GHR: variants seen among roughly 807,000 people sequenced by gnomAD.
GHR encodes growth hormone receptor, also known as GH receptor.
Under a neutral mutation model 67.1 loss-of-function variants are expected in GHR, and 35 were observed. That is an observed-to-expected ratio of 0.52 (90% CI 0.40 to 0.69). The LOEUF (loss-of-function observed/expected upper bound fraction) is 0.69, where lower values mean the gene tolerates loss of function less well. GHR is among the 30% of genes least tolerant of loss of function. GHR has a pLI of 0.00. For missense variants in GHR, 792 were observed against 764.6 expected (o/e 1.04, Z -0.42); for synonymous variants, 272 against 269.1 (o/e 1.01, Z -0.10).
At chr5:42,495,617 A>C (rs1439363418) in intron 1 of GHR, among the ~76,000 whole-genome samples, 3 of 152,048 alleles carry the variant, frequency 2.0e-5, no homozygotes, top group Non-Finnish European at 2.9e-5. Context: ...CTGGTGTCAG[A>C]ATTAGGCCAA....
intron 1 of GHR, among the ~76,000 whole-genome samples, chr5:42,474,317 G>GAAAGAAAGAAAGAAAGA (rs1554054616): frequency 7.2e-6 from 1 of 138,852 alleles, no homozygotes; most frequent in Non-Finnish European, 1.6e-5. Flanking sequence ...AAGAAAGAAA[G>GAAAGAAAGAAAGAAAGA]AAAGAAAGAA....
At position 42,576,143 on chromosome 5, in the gene GHR, T is replaced by TAAAATAAAATAAAATAAA. The variant is rs1359047675; in HGVS notation, c.70+10200_70+10201insAAATAAAATAAAATAAAA. Among the ~76,000 whole-genome samples, 10 of 83,508 alleles carry TAAAATAAAATAAAATAAA rather than the reference T, an allele frequency of 1.2e-4. 1 individual carries two copies. Among genetic ancestry groups the TAAAATAAAATAAAATAAA allele is most frequent in the African/African-American group, 4.5e-4 (9 of 20,140 alleles). The allele number at this position is 83,508 out of a possible 152,430, so 54.8% of individuals were successfully genotyped here. On this transcript the variant is annotated intron_variant, in intron 2 of 9. Transcript: ENST00000230882. ...TAAAATAAAATAAAATAAAATAAAA[T>TAAAATAAAATAAAATAAA]AGTAAAGTAAAATAAAATAAAGGCA...
chr5:42,479,805 T>C (rs1745532540), intron 1 of GHR, among the ~76,000 whole-genome samples: 1 of 152,240 alleles, frequency 6.6e-6, no homozygotes, highest in Non-Finnish European at 1.5e-5. Flanking sequence ...GCTAGCATTC[T>C]ATCAATTTTG....
intron 3 of GHR, among the ~76,000 whole-genome samples, chr5:42,672,032 C>G (rs894345127): frequency 1.3e-5 from 2 of 151,148 alleles, no homozygotes; most frequent in Non-Finnish European, 2.9e-5. Context: ...GACAAACCCA[C>G]AACAACATAA....
rs1310125015 is a variant in GHR at position 42,718,650 on chromosome 5, T to G, written c.1143T>G (p.Asp381Glu). The G allele has an allele frequency of 3.1e-6, 5 of 1,614,052 alleles. No homozygotes were observed. In the African/African-American group the frequency reaches 6.7e-5, roughly 22 times the overall value. The change falls in exon 10 of 10, where the codon GAT becomes GAG. Residue 381 changes from aspartate (D) to glutamate (E), a missense_variant. Transcript: ENST00000230882. ...CACATAGTAACCTAGGGGTGAAGGA[T>G]GGCGACTCTGGACGTACCAGCTGTT... ...EKSHSNLGVK[D>E]GDSGRTSCCE...
intron 1 of GHR, among the ~76,000 whole-genome samples, chr5:42,426,183 G>A (rs1395413627): frequency 6.6e-6 from 1 of 152,170 alleles, no homozygotes; most frequent in Admixed American, 6.5e-5. Flanking sequence ...GTTAGCTCAG[G>A]ACATAATGTT....
At chr5:42,472,778 G>C (rs1745068543) in intron 1 of GHR, among the ~76,000 whole-genome samples, 1 of 152,104 alleles carries the variant, frequency 6.6e-6, no homozygotes, top group African/African-American at 2.4e-5. Flanking sequence ...TGTTTAGGTG[G>C]GGCCAGATGA....
At chr5:42,430,210 G>T (rs916284226) in intron 1 of GHR, among the ~76,000 whole-genome samples, 4 of 152,198 alleles carry the variant, frequency 2.6e-5, no homozygotes, top group Non-Finnish European at 2.9e-5. Context: ...GGCTTATCCA[G>T]AGGAGAGGCC....
intron 1 of GHR, among the ~76,000 whole-genome samples, chr5:42,507,741 T>C (rs1746838151): frequency 6.6e-6 from 1 of 152,196 alleles, no homozygotes; most frequent in South Asian, 2.1e-4. Context: ...ACTCTAGTCC[T>C]GAGAGGGCCG....
intron 1 of GHR, among the ~76,000 whole-genome samples, chr5:42,490,390 T>G (rs1746066588): frequency 6.6e-6 from 1 of 152,198 alleles, no homozygotes; most frequent in Admixed American, 6.5e-5. Flanking sequence ...TGCTGTACAA[T>G]CGAATCCACC....
At chr5:42,448,650 T>G (rs1361468977) in intron 1 of GHR, among the ~76,000 whole-genome samples, 2 of 151,172 alleles carry the variant, frequency 1.3e-5, no homozygotes. Context: ...AGGTCCAATT[T>G]GTTTATTTTT....
Position 42,604,856 on chromosome 5 carries a change from C to G in GHR, c.71-24182C>G, listed in dbSNP as rs543099012. ...ATAAACTCAGTGAGCATCTTTATGG[C>G]TGTTATTTTTAATTCTCTGTGAAAT... On this transcript the variant is annotated intron_variant, in intron 2 of 9. Transcript: ENST00000230882. Among the ~76,000 whole-genome samples the G allele has an allele frequency of 1.0e-3, 153 of 151,932 alleles. 1 individual carries two copies. The highest frequency in any genetic ancestry group is 3.9e-3 in the Admixed American group (60 of 15,274).
chr5:42,675,395 G>A (rs567013260), intron 3 of GHR, among the ~76,000 whole-genome samples: 1 of 152,242 alleles, frequency 6.6e-6, no homozygotes, highest in Non-Finnish European at 1.5e-5. Flanking sequence ...CTCATTACGA[G>A]TCAGTATGCT....
rs1241159465 is a variant in GHR, at chr5:42,432,874, T to C, written c.-12+8919T>C. ...AGCCATGCTTTTCTTTGCCATAGAA[T>C]AGGTGTTCAGTAAATATTTTGCAGG... On this transcript the variant is annotated intron_variant, in intron 1 of 9. Coordinates refer to ENST00000230882, the MANE Select transcript of GHR (RefSeq NM_000163.5). Among the ~76,000 whole-genome samples the C allele has an allele frequency of 3.9e-5, 6 of 152,208 alleles. 1 individual carries two copies. Among genetic ancestry groups the C allele is most frequent in the Admixed American group, 3.3e-4 (5 of 15,276 alleles).
chr5:42,688,022 G>C (rs559852709), intron 3 of GHR, among the ~76,000 whole-genome samples: 1 of 152,148 alleles, frequency 6.6e-6, no homozygotes, highest in Non-Finnish European at 1.5e-5. Context: ...GAGGCATTCT[G>C]CACTTACTTC....
At chr5:42,535,020 A>G (rs1018937813) in intron 1 of GHR, among the ~76,000 whole-genome samples, 1 of 150,958 alleles carries the variant, frequency 6.6e-6, no homozygotes, top group African/African-American at 2.4e-5. Context: ...TTATTTTCTT[A>G]TTGATTTGTT....
At chr5:42,476,690 C>A (rs1260591347) in intron 1 of GHR, among the ~76,000 whole-genome samples, 2 of 152,090 alleles carry the variant, frequency 1.3e-5, no homozygotes. Flanking sequence ...TCCTTTCTGA[C>A]ACAGAAATAC....
At chr5:42,639,318 T>C (rs574618943) in intron 3 of GHR, among the ~76,000 whole-genome samples, 1 of 152,280 alleles carries the variant, frequency 6.6e-6, no homozygotes, top group East Asian at 1.9e-4. Context: ...CTTTAGGAAA[T>C]TGTGCACTTT....
At chr5:42,642,674 CAT>C (rs1212518972) in intron 3 of GHR, among the ~76,000 whole-genome samples, 1 of 152,172 alleles carries the variant, frequency 6.6e-6, no homozygotes, top group East Asian at 1.9e-4. Context: ...TTAGGCATTT[CAT>C]ATTTGTTTCC....
Sources: allele counts gnomAD v4.1 joint callset (sites outside exome capture counted in the v4.1 genomes callset), GRCh38; gene constraint gnomAD v4.1.1; transcripts MANE v1.5; gene names NCBI Gene and HGNC (gene_info 2026-07-23, HGNC 2026-07-21).